Variants in IKZF3 observed in about 807,000 individuals in gnomAD.
IKZF3 encodes the protein zinc finger protein Aiolos.
A neutral mutation model predicts 49.0 loss-of-function variants in IKZF3; 10 were observed. That is an observed-to-expected ratio of 0.20 (90% CI 0.13 to 0.35). The LOEUF (loss-of-function observed/expected upper bound fraction) is 0.35, where lower values mean the gene tolerates loss of function less well. IKZF3 is among the 10% of genes least tolerant of loss of function. IKZF3 has a pLI of 1.00. For missense variants in IKZF3, 498 were observed against 664.8 expected, an observed-to-expected ratio of 0.75 and a Z score of 2.76; for synonymous variants, 209 against 228.2, an observed-to-expected ratio of 0.92 and a Z score of 0.76.
intron 6 of IKZF3, among the ~76,000 whole-genome samples, chr17:39,786,614 T>G (rs898846905): frequency 6.6e-6 from 1 of 152,126 alleles, no homozygotes; most frequent in Non-Finnish European, 1.5e-5. Flanking sequence ...ATATTAGGTT[T>G]TTCTTTTTAT....
intron 1 of IKZF3, among the ~76,000 whole-genome samples, chr17:39,838,983 G>A (rs1264561812): frequency 2.0e-5 from 3 of 151,930 alleles, no homozygotes; most frequent in East Asian, 1.9e-4. Flanking sequence ...ACAGGTGTGT[G>A]CCACCACATC....
intron 3 of IKZF3, among the ~76,000 whole-genome samples, chr17:39,808,272 A>C (rs1002418843): frequency 2.6e-5 from 4 of 152,176 alleles, no homozygotes; most frequent in Non-Finnish European, 5.9e-5. Context: ...TTCCCTTTCA[A>C]CAAAATTAAC....
At chr17:39,771,474 A>C (rs1280310525) in intron 7 of IKZF3, among the ~76,000 whole-genome samples, 1 of 152,242 alleles carries the variant, frequency 6.6e-6, no homozygotes, top group East Asian at 1.9e-4. Context: ...AGTATCCTTA[A>C]TGCTACATGG....
At chr17:39,794,845 C>T (rs1389428650) in intron 3 of IKZF3, among the ~76,000 whole-genome samples, 2 of 152,078 alleles carry the variant, frequency 1.3e-5, no homozygotes, top group African/African-American at 2.4e-5. Context: ...TTGTACTTGC[C>T]TCCCTTCCTC....
chr17:39,777,938 C>T (rs752246173), intron 6 of IKZF3, 171 bp from the exon 7 acceptor site: 66 of 1,325,588 alleles, frequency 5.0e-5, no homozygotes, highest in Admixed American at 7.6e-5. Flanking sequence ...TCAGTGAAGC[C>T]GACACCAGGG....
At chr17:39,797,034 G>A (rs1270455446) in intron 3 of IKZF3, among the ~76,000 whole-genome samples, 1 of 151,614 alleles carries the variant, frequency 6.6e-6, no homozygotes, top group African/African-American at 2.4e-5. Flanking sequence ...GCGTGGTGGT[G>A]TGCGCCTATA....
intron 1 of IKZF3, among the ~76,000 whole-genome samples, chr17:39,842,355 C>G (rs1168516742): frequency 6.6e-6 from 1 of 152,146 alleles, no homozygotes; most frequent in East Asian, 1.9e-4. Context: ...ATGGCGAAAC[C>G]CCATCTCTAC....
intron 3 of IKZF3, among the ~76,000 whole-genome samples, chr17:39,800,122 C>A (rs1469943508): frequency 6.6e-6 from 1 of 152,138 alleles, no homozygotes; most frequent in Non-Finnish European, 1.5e-5. Flanking sequence ...GGGGAACTGC[C>A]TGATAGTATC....
intron 3 of IKZF3, among the ~76,000 whole-genome samples, chr17:39,818,162 A>G (rs2061719996): frequency 6.6e-6 from 1 of 152,234 alleles, no homozygotes; most frequent in African/African-American, 2.4e-5. Flanking sequence ...GTATTTGTAT[A>G]TCTAAACTTA....
At position 39,832,136 on chromosome 17, in the gene IKZF3, G is replaced by T; in HGVS notation, c.23C>A (p.Ala8Glu). Reference sequence around the variant, plus strand: ...CTGCTCCTGAGTGCTTTTCAGTTCCGCATTTGTTTGTATATCTGAAAAGAA... The same window carrying T: ...CTGCTCCTGAGTGCTTTTCAGTTCCTCATTTGTTTGTATATCTGAAAAGAA... Reference protein sequence around the residue: MEDIQTNAELKSTQEQSV... With the variant: MEDIQTNEELKSTQEQSV... The change falls in exon 2 of 8, where the codon GCG becomes GAG. Residue 8 changes from alanine to glutamate, a missense_variant. By Grantham distance (107) the Ala-to-Glu change is moderately radical (BLOSUM62 -1). This residue lies in a region of IKZF3 where 97 missense variants were observed against 98.9 expected (regional missense o/e 0.98). Coordinates refer to ENST00000346872, the MANE Select transcript of IKZF3 (RefSeq NM_012481.5). The T allele has an allele frequency of 6.2e-7, 1 of 1,611,282 alleles. No individual in the cohort carries two copies. Among genetic ancestry groups the T allele is most frequent in the South Asian group, 1.1e-5 (1 of 90,930 alleles).
At chr17:39,828,471 G>C (rs2062016446) in intron 3 of IKZF3, among the ~76,000 whole-genome samples, 1 of 152,216 alleles carries the variant, frequency 6.6e-6, no homozygotes, top group South Asian at 2.1e-4. Context: ...GTAGCTGAGA[G>C]TAAAGGAATG....
chr17:39,789,371 T>C (rs2060955346), intron 5 of IKZF3, among the ~76,000 whole-genome samples: 1 of 152,170 alleles, frequency 6.6e-6, no homozygotes, highest in Non-Finnish European at 1.5e-5. Flanking sequence ...GAGACCAGCC[T>C]GGCCAATGTG....
intron 1 of IKZF3, chr17:39,835,546 C>G (rs2062249116): frequency 2.3e-6 from 1 of 433,502 alleles, no homozygotes; most frequent in South Asian, 1.7e-5. Flanking sequence ...TGCAGCTCCT[C>G]ATACTTGATC....
chr17:39,801,274 A>G (rs1365767350), intron 3 of IKZF3, among the ~76,000 whole-genome samples: 3 of 150,022 alleles, frequency 2.0e-5, no homozygotes, highest in African/African-American at 7.3e-5. Context: ...TGGCATTTTA[A>G]TGATGCCACT....
intron 2 of IKZF3, among the ~76,000 whole-genome samples, chr17:39,830,470 A>C (rs1439370562): frequency 6.6e-6 from 1 of 152,224 alleles, no homozygotes; most frequent in Non-Finnish European, 1.5e-5. Flanking sequence ...GTGTTATTAA[A>C]GTTCATAAGT....
At chr17:39,850,474 T>C (rs1472785383) in intron 1 of IKZF3, among the ~76,000 whole-genome samples, 2 of 130,378 alleles carry the variant, frequency 1.5e-5, no homozygotes, top group African/African-American at 2.9e-5. Flanking sequence ...TACATGTACA[T>C]ATAATATATA....
chr17:39,797,382 A>C (rs1598037473), intron 3 of IKZF3, among the ~76,000 whole-genome samples: 1 of 149,054 alleles, frequency 6.7e-6, no homozygotes. Context: ...CTGACCACTC[A>C]CCATTCCTTG....
rs558992672 is a variant in IKZF3 at position 39,779,188 on chromosome 17, C to T, written c.710-1421G>A. ...TCTAAAGTTCAAAGAAGGCCAGGCACGGTGGCTCACGTCTATAATCCCAGC... is the reference window on the plus strand; with the variant it reads ...TCTAAAGTTCAAAGAAGGCCAGGCATGGTGGCTCACGTCTATAATCCCAGC... On this transcript the variant is annotated intron_variant, in intron 6 of 7. Coordinates refer to ENST00000346872, the MANE Select transcript of IKZF3 (RefSeq NM_012481.5). Among the ~76,000 whole-genome samples, 6 of 152,300 alleles carry T rather than the reference C, an allele frequency of 3.9e-5. No homozygotes were observed. The South Asian group carries it at 1.0e-3, about 26-fold the overall frequency.
chr17:39,810,899 T>A (rs2061536947), intron 3 of IKZF3, among the ~76,000 whole-genome samples: 2 of 152,206 alleles, frequency 1.3e-5, no homozygotes, highest in South Asian at 4.1e-4. Flanking sequence ...ATCTTGGAAG[T>A]ACTTACACCT....
Sources: allele counts gnomAD v4.1 joint callset (sites outside exome capture counted in the v4.1 genomes callset), GRCh38; gene constraint gnomAD v4.1.1; regional missense constraint gnomAD v4.1.1; transcripts MANE v1.5; gene names NCBI Gene and HGNC (gene_info 2026-07-23, HGNC 2026-07-21).